PCDH15: variants seen among roughly 807,000 people sequenced by gnomAD.
PCDH15 encodes protocadherin related 15, also known as protocadherin-15.
In PCDH15, 129 loss-of-function variants were observed where a neutral mutation model predicts 178.5. The observed-to-expected ratio is 0.72, with a 90% CI of 0.63 to 0.84. The LOEUF (loss-of-function observed/expected upper bound fraction) is 0.84, where lower values mean the gene tolerates loss of function less well. Among genes scored for constraint, PCDH15 ranks in the 40% least tolerant of loss-of-function variants. The pLI, the probability that PCDH15 is intolerant of heterozygous loss-of-function variation, is 0.00. For synonymous variants in PCDH15, 800 were observed against 732.0 expected, an observed-to-expected ratio of 1.09 and a Z score of -1.50; for missense variants, 2,230 against 2,099.9, an observed-to-expected ratio of 1.06 and a Z score of -1.21.
At chr10:55,337,157 T>C in intron 2 of PCDH15, among the ~76,000 whole-genome samples, 1 of 151,904 alleles carries the variant, frequency 6.6e-6, no homozygotes, top group Non-Finnish European at 1.5e-5. Flanking sequence ...AGCCTCAAGA[T>C]GAAAAATAAA....
intron 2 of PCDH15, among the ~76,000 whole-genome samples, chr10:55,098,392 T>A (rs1358200703): frequency 6.6e-6 from 1 of 152,098 alleles, no homozygotes; most frequent in Non-Finnish European, 1.5e-5. Flanking sequence ...TTGGTAAGGT[T>A]TTCCTTTTAA....
intron 3 of PCDH15, among the ~76,000 whole-genome samples, chr10:54,843,683 T>A (rs9633549): frequency 0.15 from 23,385 of 152,026 alleles, 2,259 homozygotes; most frequent in East Asian, 0.22. Context: ...ATTAAGATAA[T>A]TTGACGATTG....
At chr10:54,876,846 A>G (rs756912578) in intron 3 of PCDH15, among the ~76,000 whole-genome samples, 1 of 152,206 alleles carries the variant, frequency 6.6e-6, no homozygotes, top group Non-Finnish European at 1.5e-5. Context: ...TGAGAATATT[A>G]CATGTATTTA....
intron 1 of PCDH15, among the ~76,000 whole-genome samples, chr10:55,225,621 ATGTGTGTGTGTGTT>A (rs1407605148): frequency 1.4e-5 from 2 of 146,646 alleles, no homozygotes; most frequent in Non-Finnish European, 3.0e-5. Flanking sequence ...GTGTGTGTGT[ATGTGTGTGTGTGTT>A]TGTGTGTGTG....
At chr10:54,882,080 T>C (rs1302427877) in intron 3 of PCDH15, among the ~76,000 whole-genome samples, 1 of 152,114 alleles carries the variant, frequency 6.6e-6, no homozygotes, top group East Asian at 1.9e-4. Flanking sequence ...TACATCTGCA[T>C]TATTTAATAC....
chr10:55,328,913 CATATAT>C (rs56104592), intron 2 of PCDH15, among the ~76,000 whole-genome samples: 8,878 of 111,162 alleles, frequency 0.08, 488 homozygotes, highest in African/African-American at 0.16. Flanking sequence ...TTCACACAAA[CATATAT>C]ATATATATAT....
intron 1 of PCDH15, among the ~76,000 whole-genome samples, chr10:54,703,875 C>A (rs532540030): frequency 2.8e-4 from 43 of 152,154 alleles, no homozygotes; most frequent in African/African-American, 9.6e-4. Context: ...CTGCAATAAC[C>A]AAAACAGCAT....
chr10:54,916,315 T>C (rs995454195), intron 2 of PCDH15, among the ~76,000 whole-genome samples: 7 of 152,174 alleles, frequency 4.6e-5, no homozygotes, highest in African/African-American at 4.8e-5. Context: ...AAGGTGCATA[T>C]ATAGGAAGTC....
chr10:54,998,049 G>C lies in PCDH15; in HGVS notation c.-79-100549C>G, dbSNP rs1839689643. ...TAAAATGTAAGGGTACTTAGAATAA[G>C]AATTCTAGCTAATATATCATTCTGT... On this transcript the variant is annotated intron_variant, in intron 2 of 5. Transcript: ENST00000458638. Among the ~76,000 whole-genome samples, 4 of 151,994 alleles carry C rather than the reference G, an allele frequency of 2.6e-5. No individual in the cohort carries two copies. The South Asian group carries it at 8.3e-4, about 31-fold the overall frequency.
At chr10:53,819,052 G>A (rs1026122727) in intron 33 of PCDH15, among the ~76,000 whole-genome samples, 3 of 151,948 alleles carry the variant, frequency 2.0e-5, no homozygotes, top group Admixed American at 6.6e-5. Context: ...AGTGAATTTC[G>A]TAGAGTGCTT....
intron 2 of PCDH15, among the ~76,000 whole-genome samples, chr10:55,398,279 A>C (rs1381103821): frequency 1.3e-5 from 2 of 152,136 alleles, no homozygotes; most frequent in African/African-American, 4.8e-5. Context: ...CATGAGAGGC[A>C]AGAAAGTGAG....
At chr10:54,275,786 T>A (rs1591539915) in intron 8 of PCDH15, among the ~76,000 whole-genome samples, 1 of 151,690 alleles carries the variant, frequency 6.6e-6, no homozygotes, top group Admixed American at 6.6e-5. Flanking sequence ...TTATACTAGA[T>A]CTAGCACTGA....
chr10:54,759,608 C>T (rs539772803), intron 1 of PCDH15, among the ~76,000 whole-genome samples: 1 of 152,096 alleles, frequency 6.6e-6, no homozygotes, highest in South Asian at 2.1e-4. Context: ...AGAATTGGGG[C>T]ATTATTTGTC....
At chr10:54,658,711 T>C (rs1274803205) in intron 2 of PCDH15, among the ~76,000 whole-genome samples, 2 of 152,028 alleles carry the variant, frequency 1.3e-5, no homozygotes, top group African/African-American at 4.8e-5. Context: ...AGTTCACAGA[T>C]CCCATAAAGC....
intron 6 of PCDH15, among the ~76,000 whole-genome samples, chr10:54,335,105 C>G (rs942085360): frequency 1.3e-5 from 2 of 152,190 alleles, no homozygotes; most frequent in African/African-American, 4.8e-5. Flanking sequence ...CTCCTCTAAT[C>G]TAATTTCCTA....
chr10:55,580,547 G>A (rs537621374), intron 2 of PCDH15, among the ~76,000 whole-genome samples: 1 of 151,720 alleles, frequency 6.6e-6, no homozygotes, highest in Admixed American at 6.6e-5. Flanking sequence ...TAGTAGAGAC[G>A]GGGGTTTGCC....
intron 2 of PCDH15, among the ~76,000 whole-genome samples, chr10:55,497,286 C>T (rs947454812): frequency 2.6e-5 from 4 of 151,638 alleles, no homozygotes; most frequent in Middle Eastern, 3.4e-3. Context: ...CACACCATGA[C>T]GCCTGGCTGA....
chr10:54,693,485 T>A (rs1260154783), intron 1 of PCDH15, among the ~76,000 whole-genome samples: 1 of 152,130 alleles, frequency 6.6e-6, no homozygotes, highest in Non-Finnish European at 1.5e-5. Context: ...ATATTTGCAG[T>A]AGAAACAAAT....
chr10:55,425,792 T>C (rs1280435600), intron 2 of PCDH15, among the ~76,000 whole-genome samples: 2 of 152,206 alleles, frequency 1.3e-5, no homozygotes, highest in South Asian at 2.1e-4. Flanking sequence ...ATATATGCTG[T>C]GAAATGTCAA....
Sources: gnomAD v4.1 joint callset for allele counts (sites outside exome capture counted in the v4.1 genomes callset) on GRCh38, gnomAD v4.1.1 for gene constraint, MANE v1.5 for transcripts, NCBI Gene and HGNC (gene_info 2026-07-23, HGNC 2026-07-21) for gene names.